FUT9: variants seen among roughly 807,000 people sequenced by gnomAD.
FUT9 encodes the protein 4-galactosyl-N-acetylglucosaminide 3-alpha-L-fucosyltransferase 9.
A neutral mutation model predicts 29.7 loss-of-function variants in FUT9; 15 were observed. The ratio of observed to expected loss-of-function variants is 0.51; its 90% CI spans 0.34 to 0.78. FUT9 has a LOEUF of 0.78. Ranked by LOEUF, FUT9 falls within the 30% of genes least tolerant of loss-of-function variation. FUT9 has a pLI of 0.01. For synonymous variants in FUT9, 169 were observed against 153.7 expected, an observed-to-expected ratio of 1.10 and a Z score of -0.74; for missense variants, 319 against 425.4, an observed-to-expected ratio of 0.75 and a Z score of 2.20.
chr6:96,195,189 G>T (rs1372349637), intron 2 of FUT9, among the ~76,000 whole-genome samples: 1 of 152,120 alleles, frequency 6.6e-6, no homozygotes, highest in Non-Finnish European at 1.5e-5. Flanking sequence ...AAAAATGAAG[G>T]AAGAAGAAAG....
At chr6:96,149,170 A>T (rs72933954) in intron 2 of FUT9, among the ~76,000 whole-genome samples, 3,872 of 149,976 alleles carry the variant, frequency 0.026, 91 homozygotes, top group African/African-American at 0.048. Context: ...AAAAAAAAAA[A>T]TTTTTTTTGA....
intron 1 of FUT9, among the ~76,000 whole-genome samples, chr6:96,077,499 A>G (rs902571513): frequency 9.9e-5 from 15 of 152,064 alleles, no homozygotes; most frequent in African/African-American, 2.9e-4. Context: ...AAAAACTCAA[A>G]ATTATCTGGT....
intron 2 of FUT9, among the ~76,000 whole-genome samples, chr6:96,164,253 CTT>C (rs57049980): frequency 0.14 from 15,201 of 105,078 alleles, 602 homozygotes; most frequent in Non-Finnish European, 0.17. Flanking sequence ...GATCCAGGTT[CTT>C]TTTTTTTTTT....
intron 1 of FUT9, among the ~76,000 whole-genome samples, chr6:96,112,154 A>G (rs1437694745): frequency 6.6e-6 from 1 of 152,218 alleles, no homozygotes; most frequent in Non-Finnish European, 1.5e-5. Context: ...CTTTGAAGTC[A>G]GGTTTGGATT....
chr6:96,105,009 C>T (rs1253299190), intron 1 of FUT9, among the ~76,000 whole-genome samples: 2 of 152,084 alleles, frequency 1.3e-5, no homozygotes, highest in African/African-American at 2.4e-5. Flanking sequence ...TGGGTTCTTC[C>T]GTGCTTACTT....
At position 96,178,349 on chromosome 6, in the gene FUT9, G is replaced by A. The variant is rs576641992; in HGVS notation, c.-8-24799G>A. Among the ~76,000 whole-genome samples the A allele has an allele frequency of 2.6e-5, 4 of 152,232 alleles. No individual in the cohort carries two copies. In the East Asian group the frequency reaches 7.7e-4, roughly 29 times the overall value. The stretch of plus-strand genomic sequence containing the variant: ...ATGAAAAGGGGAGACACTGTATTAT[G>A]GAAGAAGTCTTGGCCCAGAAGCTAA... On this transcript the variant is annotated intron_variant, in intron 2 of 2. Transcript: ENST00000302103.
chr6:96,160,154 A>G (rs1269124835), intron 2 of FUT9, among the ~76,000 whole-genome samples: 3 of 152,188 alleles, frequency 2.0e-5, no homozygotes, highest in South Asian at 2.1e-4. Context: ...TTCCAACTTA[A>G]AGATGGCTCA....
In FUT9 at chr6:96,023,039, CCACAGCCTACTAA is replaced by C. The variant is rs1401908637; in HGVS notation, c.-98+6833_-98+6845del. Among the ~76,000 whole-genome samples the C allele has an allele frequency of 2.6e-5, 4 of 151,870 alleles. No homozygotes were observed. The South Asian group carries it at 6.2e-4, about 24-fold the overall frequency. ...TGGGACCCCAAATATAGAGAGAAGGCCACAGCCTACTAACACAGTGTGTTGGTTTCTGCTTCAT... is the reference window on the plus strand; with the variant it reads ...TGGGACCCCAAATATAGAGAGAAGGCCACAGTGTGTTGGTTTCTGCTTCAT... On this transcript the variant is annotated intron_variant, in intron 1 of 2. Coordinates refer to ENST00000302103, the MANE Select transcript of FUT9 (RefSeq NM_006581.4).
chr6:96,039,640 A>G (rs1770421321), intron 1 of FUT9, among the ~76,000 whole-genome samples: 1 of 152,144 alleles, frequency 6.6e-6, no homozygotes. Flanking sequence ...TCACCGTATC[A>G]TAAGTAGCCA....
intron 2 of FUT9, among the ~76,000 whole-genome samples, chr6:96,176,554 G>A (rs1773208520): frequency 6.6e-6 from 1 of 152,134 alleles, no homozygotes; most frequent in African/African-American, 2.4e-5. Context: ...TTGGCCACCA[G>A]GCTTATAGTT....
chr6:96,078,627 A>G (rs1317715856), intron 1 of FUT9, among the ~76,000 whole-genome samples: 1 of 151,522 alleles, frequency 6.6e-6, no homozygotes, highest in African/African-American at 2.4e-5. Flanking sequence ...TCACCGTGTT[A>G]GCCAGGATGG....
chr6:96,023,044 G>T (rs1361263021), intron 1 of FUT9, among the ~76,000 whole-genome samples: 2 of 151,882 alleles, frequency 1.3e-5, no homozygotes, highest in Non-Finnish European at 2.9e-5. Context: ...GAAGGCCACA[G>T]CCTACTAACA....
chr6:96,084,162 G>C (rs1004648537), intron 1 of FUT9, among the ~76,000 whole-genome samples: 1 of 152,020 alleles, frequency 6.6e-6, no homozygotes, highest in Non-Finnish European at 1.5e-5. Flanking sequence ...GAGAGAGATA[G>C]ACTAAAGTGA....
chr6:96,144,645 G>T (rs1772530967), intron 2 of FUT9, among the ~76,000 whole-genome samples: 1 of 152,064 alleles, frequency 6.6e-6, no homozygotes, highest in Non-Finnish European at 1.5e-5. Context: ...ATGGGAGGAG[G>T]CTAATTATAA....
chr6:96,049,235 G>T (rs1481659895), intron 1 of FUT9, among the ~76,000 whole-genome samples: 9 of 152,064 alleles, frequency 5.9e-5, no homozygotes, highest in African/African-American at 1.4e-4. Context: ...AGCCTTCTGG[G>T]TGCTGTCCTC....
chr6:96,198,002 T>C (rs1264148499), intron 2 of FUT9, among the ~76,000 whole-genome samples: 2 of 152,216 alleles, frequency 1.3e-5, no homozygotes, highest in Non-Finnish European at 2.9e-5. Context: ...TACACATTTT[T>C]CTCCCTAATA....
rs188538175 is a variant in FUT9 at position 96,045,269 on chromosome 6, C to T, written c.-98+29057C>T. Among the ~76,000 whole-genome samples the T allele has an allele frequency of 1.6e-3, 251 of 152,162 alleles. 1 individual carries two copies. Among genetic ancestry groups the T allele is most frequent in the Middle Eastern group, 6.8e-3 (2 of 294 alleles). ...AGCTAAAGAACCAGCAACAATCAGACCAGAAGAAAGAAAAGTGGGTATTAG... is the reference window on the plus strand; with the variant it reads ...AGCTAAAGAACCAGCAACAATCAGATCAGAAGAAAGAAAAGTGGGTATTAG... On this transcript the variant is annotated intron_variant, in intron 1 of 2. Transcript: ENST00000302103.
intron 2 of FUT9, among the ~76,000 whole-genome samples, chr6:96,162,674 T>C (rs1386317040): frequency 4.6e-5 from 7 of 152,194 alleles, no homozygotes; most frequent in Admixed American, 3.3e-4. Flanking sequence ...ATGATTGTTA[T>C]AGTAGTATAT....
chr6:96,049,386 A>T (rs2477512), intron 1 of FUT9, among the ~76,000 whole-genome samples: 93,734 of 152,114 alleles, frequency 0.62, 29,243 homozygotes, highest in African/African-American at 0.72. Context: ...GTGTTTAAAT[A>T]GAAGACTAAA....
Sources: allele counts gnomAD v4.1 joint callset (sites outside exome capture counted in the v4.1 genomes callset), GRCh38; gene constraint gnomAD v4.1.1; transcripts MANE v1.5; gene names NCBI Gene and HGNC (gene_info 2026-07-23, HGNC 2026-07-21).